The following SAMD5 variants were observed in gnomAD, a reference collection of about 807,000 sequenced individuals.
SAMD5 encodes sterile alpha motif domain-containing protein 5.
SAMD5 carries 13 observed loss-of-function variants against 11.3 expected under a neutral mutation model. The ratio of observed to expected loss-of-function variants is 1.15; its 90% CI spans 0.75 to 1.83. SAMD5 has a LOEUF of 1.83. Ranked by LOEUF, SAMD5 falls within the 40% of genes most tolerant of loss-of-function variation. The pLI is 0.00. For missense variants in SAMD5, 255 were observed against 239.1 expected (o/e 1.07, Z -0.44); for synonymous variants, 129 against 111.3 (o/e 1.16, Z -1.00).
chr6:147,612,707 C>A (rs1012924103), intron 1 of SAMD5, among the ~76,000 whole-genome samples: 6 of 152,190 alleles, frequency 3.9e-5, no homozygotes, highest in Non-Finnish European at 8.8e-5. Flanking sequence ...CACAGAGGAA[C>A]CTGCTGTGTA....
intron 1 of SAMD5, among the ~76,000 whole-genome samples, chr6:147,603,918 C>A (rs542765358): frequency 1.3e-5 from 2 of 152,256 alleles, no homozygotes; most frequent in Admixed American, 1.3e-4. Context: ...ATGCTTCTAG[C>A]TTTCGTTGAT....
At position 147,566,570 on chromosome 6, in the gene SAMD5, T is replaced by G. The variant is rs1378599960; in HGVS notation, c.*2114T>G. The G allele has an allele frequency of 2.0e-6, 2 of 983,292 alleles. No individual in the cohort carries two copies. The highest frequency in any genetic ancestry group is 2.4e-6 in the Non-Finnish European group (2 of 827,580). The allele number at this position is 983,292 out of a possible 1,614,324, so 60.9% of individuals were successfully genotyped here. A position where few individuals can be genotyped will look rare whatever the true frequency, so the allele number is the denominator to read the frequency against. The stretch of plus-strand genomic sequence containing the variant: ...CTACTGCAATGGAAAAAGGGTTCCT[T>G]GGTCATTTCAAGTTTTATTTTCTAT... On this transcript the variant is annotated 3_prime_UTR_variant, in exon 2 of 2. Coordinates refer to ENST00000367474, the MANE Select transcript of SAMD5 (RefSeq NM_001030060.3).
chr6:147,758,484 G>A, the SAMD5 span, among the ~76,000 whole-genome samples: 568 of 152,328 alleles, frequency 3.7e-3, 3 homozygotes, highest in African/African-American at 0.013. Context: ...GGCTGGTGCC[G>A]TCCTGTCTGC....
At chr6:147,728,287 G>C (rs950961207) in intron 1 of SAMD5, among the ~76,000 whole-genome samples, 1 of 152,114 alleles carries the variant, frequency 6.6e-6, no homozygotes. Flanking sequence ...ACACGGTCTT[G>C]TATGCGTGTA....
chr6:147,510,652 A>G (rs1223082546), intron 1 of SAMD5, among the ~76,000 whole-genome samples: 1 of 152,224 alleles, frequency 6.6e-6, no homozygotes, highest in East Asian at 1.9e-4. Context: ...TTAAGAGTAG[A>G]TAACAATACC....
chr6:147,801,249 A>G, the SAMD5 span, among the ~76,000 whole-genome samples: 1 of 152,144 alleles, frequency 6.6e-6, no homozygotes, highest in Non-Finnish European at 1.5e-5. Flanking sequence ...TCCTAATTTT[A>G]TTACTATTAA....
intron 1 of SAMD5, among the ~76,000 whole-genome samples, chr6:147,635,490 G>A (rs1790216919): frequency 1.3e-5 from 2 of 152,162 alleles, no homozygotes; most frequent in Admixed American, 6.5e-5. Context: ...GTTTTTAGTT[G>A]AAGCTCCCAA....
intron 1 of SAMD5, among the ~76,000 whole-genome samples, chr6:147,556,892 CTT>C (rs1299683439): frequency 7.2e-5 from 11 of 152,140 alleles, no homozygotes; most frequent in Admixed American, 6.5e-4. Context: ...AACCTTCTCT[CTT>C]GTCTTGCAAT....
chr6:147,736,528 C>T (rs1365615561), intron 1 of SAMD5, among the ~76,000 whole-genome samples: 1 of 152,098 alleles, frequency 6.6e-6, no homozygotes, highest in East Asian at 1.9e-4. Flanking sequence ...CTACTAAGTG[C>T]AGCGTAACTC....
chr6:147,828,427 A>T, the SAMD5 span, among the ~76,000 whole-genome samples: 1 of 152,142 alleles, frequency 6.6e-6, no homozygotes, highest in Non-Finnish European at 1.5e-5. Flanking sequence ...GCCAAAGGAG[A>T]TTAATTAACA....
intron 1 of SAMD5, among the ~76,000 whole-genome samples, chr6:147,539,282 C>T (rs1446189664): frequency 6.6e-6 from 1 of 152,256 alleles, no homozygotes; most frequent in African/African-American, 2.4e-5. Context: ...GCCCCTTCAC[C>T]GGAGTCTCAT....
At chr6:147,547,952 A>G (rs2128442779) in intron 1 of SAMD5, among the ~76,000 whole-genome samples, 1 of 152,314 alleles carries the variant, frequency 6.6e-6, no homozygotes, top group African/African-American at 2.4e-5. Flanking sequence ...GCTGGTGGGG[A>G]GAGAATATGA....
intron 1 of SAMD5, among the ~76,000 whole-genome samples, chr6:147,608,815 A>C (rs1339729352): frequency 2.0e-5 from 3 of 152,212 alleles, no homozygotes; most frequent in Admixed American, 1.3e-4. Context: ...GATTGTTTGC[A>C]ACTCAACGTA....
the SAMD5 span, among the ~76,000 whole-genome samples, chr6:147,895,485 G>T: frequency 6.6e-6 from 1 of 152,186 alleles, no homozygotes; most frequent in Non-Finnish European, 1.5e-5. Context: ...TGACACATTT[G>T]CCAGGGGAAT....
At chr6:147,833,553 G>C in the SAMD5 span, among the ~76,000 whole-genome samples, 1 of 152,176 alleles carries the variant, frequency 6.6e-6, no homozygotes, top group Admixed American at 6.6e-5. Flanking sequence ...ATGAAAGAAA[G>C]AAGAGTATTT....
the SAMD5 span, among the ~76,000 whole-genome samples, chr6:147,746,301 A>G: frequency 6.6e-6 from 1 of 152,174 alleles, no homozygotes; most frequent in Non-Finnish European, 1.5e-5. Context: ...TGGGCTGCTC[A>G]GACTCCCTGA....
chr6:147,699,583 T>G (rs1179627250), intron 1 of SAMD5, among the ~76,000 whole-genome samples: 20 of 152,196 alleles, frequency 1.3e-4, no homozygotes, highest in Non-Finnish European at 7.3e-5. Flanking sequence ...CCAGATTAAT[T>G]CATTTAACTA....
At chr6:147,867,049 GA>G in the SAMD5 span, among the ~76,000 whole-genome samples, 1 of 152,082 alleles carries the variant, frequency 6.6e-6, no homozygotes, top group Non-Finnish European at 1.5e-5. Context: ...TCCAAGCTAG[GA>G]AAAGGAAAAT....
intron 1 of SAMD5, among the ~76,000 whole-genome samples, chr6:147,604,258 G>C (rs1469584741): frequency 1.3e-5 from 2 of 150,026 alleles, no homozygotes; most frequent in East Asian, 1.9e-4. Flanking sequence ...CTTATGACTT[G>C]AGTTATTCTT....
Sources: gnomAD v4.1 joint callset for allele counts (sites outside exome capture counted in the v4.1 genomes callset) on GRCh38, gnomAD v4.1.1 for gene constraint, MANE v1.5 for transcripts, NCBI Gene and HGNC (gene_info 2026-07-23, HGNC 2026-07-21) for gene names.